The following DEPTOR variants were observed in gnomAD, a reference collection of about 807,000 sequenced individuals.
DEPTOR encodes the protein DEP domain containing MTOR interacting protein.
A neutral mutation model predicts 41.6 loss-of-function variants in DEPTOR; 41 were observed. That is an observed-to-expected ratio of 0.98 (90% CI 0.77 to 1.28). The LOEUF is 1.28. Among genes scored for constraint, DEPTOR ranks in the 50% most tolerant of loss-of-function variants. The pLI is 0.00. For synonymous variants in DEPTOR, 195 were observed against 192.3 expected (o/e 1.01, Z -0.12); for missense variants, 514 against 527.9 (o/e 0.97, Z 0.26).
intron 8 of DEPTOR, among the ~76,000 whole-genome samples, chr8:120,041,517 A>C (rs2130199260): frequency 6.6e-6 from 1 of 152,062 alleles, no homozygotes; most frequent in Admixed American, 6.6e-5. Context: ...AACTCTTACG[A>C]GGCTAACTTA....
intron 3 of DEPTOR, among the ~76,000 whole-genome samples, chr8:119,933,453 G>GACACACACACACACAC (rs35420959): frequency 9.6e-5 from 12 of 124,482 alleles, no homozygotes; most frequent in Admixed American, 6.9e-4. Context: ...GACAGAGCAA[G>GACACACACACACACAC]ACACACACAC....
At chr8:119,948,366 C>G (rs879348742) in intron 3 of DEPTOR, among the ~76,000 whole-genome samples, 1 of 151,902 alleles carries the variant, frequency 6.6e-6, no homozygotes, top group Non-Finnish European at 1.5e-5. Context: ...GAGCCAAGAT[C>G]GTGCCACTGC....
intron 6 of DEPTOR, 62 bp downstream of exon 6, chr8:120,003,173 A>G: frequency 6.3e-7 from 1 of 1,583,714 alleles, no homozygotes; most frequent in South Asian, 1.1e-5. Context: ...GTCCCTGGGA[A>G]GCAGAATCTG....
At chr8:119,961,139 G>A (rs762522096) in intron 3 of DEPTOR, among the ~76,000 whole-genome samples, 11 of 151,826 alleles carry the variant, frequency 7.2e-5, no homozygotes, top group Non-Finnish European at 1.5e-4. Context: ...AAAAGTGGCT[G>A]GGCACAGTGG....
At chr8:120,016,581 G>A (rs1335299386) in intron 8 of DEPTOR, among the ~76,000 whole-genome samples, 1 of 151,760 alleles carries the variant, frequency 6.6e-6, no homozygotes, top group Admixed American at 6.6e-5. Flanking sequence ...GATTGTAGGT[G>A]TGAGCCACCA....
chr8:119,907,953 A>G (rs546821676), intron 1 of DEPTOR, among the ~76,000 whole-genome samples: 1 of 152,250 alleles, frequency 6.6e-6, no homozygotes, highest in South Asian at 2.1e-4. Flanking sequence ...TATTAGCACA[A>G]CTGAATTTAT....
Position 120,049,871 on chromosome 8 carries a change from C to T in DEPTOR, c.*167C>T. 1 of 723,052 alleles carries T rather than the reference C, an allele frequency of 1.4e-6. No homozygotes were observed. Among genetic ancestry groups the T allele is most frequent in the East Asian group, 3.3e-5 (1 of 29,986 alleles). The allele number at this position is 723,052 out of a possible 1,614,324, so 44.8% of individuals were successfully genotyped here. On this transcript the variant is annotated 3_prime_UTR_variant, in exon 9 of 9. Transcript: ENST00000286234. ...GTTTTATACACTGAATGTGGAAGAA[C>T]CGGGTATCATATCTTTTTTAAAAAA...
At chr8:119,956,070 A>G (rs1828413451) in intron 3 of DEPTOR, among the ~76,000 whole-genome samples, 1 of 152,134 alleles carries the variant, frequency 6.6e-6, no homozygotes, top group Admixed American at 6.6e-5. Context: ...CCCAAGCTAG[A>G]GTCATAGAGG....
chr8:119,996,524 A>G (rs1449994186), intron 4 of DEPTOR, among the ~76,000 whole-genome samples: 1 of 152,164 alleles, frequency 6.6e-6, no homozygotes, highest in African/African-American at 2.4e-5. Flanking sequence ...ATTTGATCTT[A>G]GATAGTATGT....
At position 119,916,321 on chromosome 8, in the gene DEPTOR, A is replaced by T. The variant is rs916758221; in HGVS notation, c.123-12079A>T. The stretch of plus-strand genomic sequence containing the variant: ...TTTTTTTAGAAATGGGGGTTTCACC[A>T]TATTGGCCAGGGTGGTCTGAAACCC... On this transcript the variant is annotated intron_variant, in intron 1 of 8. Transcript: ENST00000286234. Among the ~76,000 whole-genome samples, 19 of 137,384 alleles carry T rather than the reference A, an allele frequency of 1.4e-4. 1 individual carries two copies. Among genetic ancestry groups the T allele is most frequent in the Admixed American group, 3.8e-4 (5 of 13,152 alleles). The allele number at this position is 137,384 out of a possible 152,430, so 90.1% of individuals were successfully genotyped here.
At chr8:119,961,016 C>T (rs1315123017) in intron 3 of DEPTOR, among the ~76,000 whole-genome samples, 1 of 151,922 alleles carries the variant, frequency 6.6e-6, no homozygotes, top group Non-Finnish European at 1.5e-5. Flanking sequence ...AGTGGCTTGC[C>T]TTACATCTCA....
intron 7 of DEPTOR, 137 bp from the exon 8 acceptor site, chr8:120,008,892 C>G: frequency 2.7e-6 from 2 of 752,726 alleles, no homozygotes; most frequent in South Asian, 1.8e-5. Context: ...GTTCCAATCC[C>G]CTGGCAGGGA....
chr8:120,009,211 G>C, intron 8 of DEPTOR, 78 bp downstream of exon 8: 1 of 1,261,802 alleles, frequency 7.9e-7, no homozygotes, highest in Non-Finnish European at 1.1e-6. Flanking sequence ...TTCTTACTAG[G>C]GATCCAAACC....
intron 8 of DEPTOR, among the ~76,000 whole-genome samples, chr8:120,040,398 A>C (rs1813049558): frequency 6.6e-6 from 1 of 151,678 alleles, no homozygotes; most frequent in African/African-American, 2.4e-5. Context: ...AACGTGGTGA[A>C]ACCCCATCTC....
At position 119,918,888 on chromosome 8, in the gene DEPTOR, C is replaced by T. The variant is rs184913913; in HGVS notation, c.123-9512C>T. 4.4e-3 allele frequency among the ~76,000 whole-genome samples: 669 copies of T among 152,094 alleles called. 1 individual carries two copies. The highest frequency in any genetic ancestry group is 7.6e-3 in the Non-Finnish European group (514 of 68,004). ...GGACTACAGGCCTGAGCCACCGCGCCTGGCCATGGAATACCTTATGAAGTG... is the reference window on the plus strand; with the variant it reads ...GGACTACAGGCCTGAGCCACCGCGCTTGGCCATGGAATACCTTATGAAGTG... On this transcript the variant is annotated intron_variant, in intron 1 of 8. Transcript: ENST00000286234.
chr8:119,896,409 G>A (rs1161211597), intron 1 of DEPTOR, among the ~76,000 whole-genome samples: 1 of 152,232 alleles, frequency 6.6e-6, no homozygotes, highest in Non-Finnish European at 1.5e-5. Context: ...TAAGCTGTTG[G>A]AGTGTGGCGG....
intron 3 of DEPTOR, among the ~76,000 whole-genome samples, chr8:119,951,926 C>T (rs1289977052): frequency 6.6e-6 from 1 of 152,060 alleles, no homozygotes; most frequent in East Asian, 1.9e-4. Context: ...TTACCTGAGT[C>T]AGGAGTTCAA....
intron 6 of DEPTOR, 96 bp from the exon 7 acceptor site, chr8:120,006,709 C>A: frequency 9.2e-7 from 1 of 1,085,954 alleles, no homozygotes; most frequent in Non-Finnish European, 1.4e-6. Flanking sequence ...CTTTTTCTCA[C>A]TGATGGTCAC....
intron 4 of DEPTOR, among the ~76,000 whole-genome samples, chr8:119,975,493 G>T (rs527739572): frequency 1.3e-5 from 2 of 152,110 alleles, no homozygotes; most frequent in Non-Finnish European, 2.9e-5. Flanking sequence ...AGCACAGTGC[G>T]GAGTCGGTCA....
Sources: gnomAD v4.1 joint callset for allele counts (sites outside exome capture counted in the v4.1 genomes callset) on GRCh38, gnomAD v4.1.1 for gene constraint, MANE v1.5 for transcripts, NCBI Gene and HGNC (gene_info 2026-07-23, HGNC 2026-07-21) for gene names.